Variants in GRIK2 observed in about 807,000 individuals in gnomAD.
The protein encoded by GRIK2 is glutamate ionotropic receptor kainate type subunit 2, also known as glutamate receptor ionotropic, kainate 2.
In GRIK2, 32 loss-of-function variants were observed where a neutral mutation model predicts 100.3. That is an observed-to-expected ratio of 0.32 (90% CI 0.24 to 0.43). The LOEUF is 0.43. Among genes scored for constraint, GRIK2 ranks in the 20% least tolerant of loss-of-function variants. GRIK2 has a pLI of 1.00. For synonymous variants in GRIK2, 417 were observed against 389.4 expected, an observed-to-expected ratio of 1.07 and a Z score of -0.83; for missense variants, 843 against 1,114.9, an observed-to-expected ratio of 0.76 and a Z score of 3.47.
chr6:101,952,578 A>G (rs1452500124), intron 14 of GRIK2, among the ~76,000 whole-genome samples: 3 of 151,990 alleles, frequency 2.0e-5, no homozygotes, highest in Non-Finnish European at 4.4e-5. Flanking sequence ...AATTTTTAGT[A>G]TATTCAGAAC....
In GRIK2 at chr6:101,699,079, A is replaced by C. The variant is rs184652335; in HGVS notation, c.951+12726A>C. ...GGTTTCATTGTAAGATGCTCAGCAC[A>C]TATGTACTCTATTCAAGCTAGAGAA... On this transcript the variant is annotated intron_variant, in intron 7 of 16. Coordinates refer to ENST00000369134, the MANE Select transcript of GRIK2 (RefSeq NM_021956.5). 1.1e-4 allele frequency among the ~76,000 whole-genome samples: 17 copies of C among 152,242 alleles called. No homozygotes were observed. In the East Asian group the frequency reaches 1.7e-3, roughly 16 times the overall value.
At chr6:101,490,145 A>G (rs1197958032) in intron 2 of GRIK2, among the ~76,000 whole-genome samples, 2 of 141,966 alleles carry the variant, frequency 1.4e-5, no homozygotes, top group Non-Finnish European at 1.5e-5. Context: ...ACATAGACAT[A>G]CAGAGATATG....
intron 10 of GRIK2, among the ~76,000 whole-genome samples, chr6:101,846,121 T>A (rs1273541247): frequency 1.3e-5 from 2 of 152,110 alleles, no homozygotes; most frequent in African/African-American, 4.8e-5. Context: ...TCTTTTCATT[T>A]GTTTGACAAT....
chr6:101,764,820 C>T (rs1414075980), intron 7 of GRIK2, among the ~76,000 whole-genome samples: 1 of 152,128 alleles, frequency 6.6e-6, no homozygotes, highest in Admixed American at 6.6e-5. Flanking sequence ...CTGATCATTT[C>T]TGTCCTCTGA....
chr6:101,530,712 A>G (rs1443540125), intron 2 of GRIK2, among the ~76,000 whole-genome samples: 5 of 152,024 alleles, frequency 3.3e-5, no homozygotes, highest in Non-Finnish European at 7.4e-5. Context: ...CCTTTAGAAG[A>G]AATTTTTGGT....
chr6:101,849,812 G>GTTT lies in GRIK2; in HGVS notation c.1318-9475_1318-9474insTTT, dbSNP rs1562437239. Among the ~76,000 whole-genome samples the GTTT allele has an allele frequency of 8.9e-5, 10 of 112,202 alleles. 1 individual carries two copies. In the East Asian group the frequency reaches 4.1e-3, roughly 46 times the overall value. The allele number at this position is 112,202 out of a possible 152,430, so 73.6% of individuals were successfully genotyped here. On this transcript the variant is annotated intron_variant, in intron 10 of 16. Coordinates refer to ENST00000369134, the MANE Select transcript of GRIK2 (RefSeq NM_021956.5). ...TAGGGATGCTATTTAAAAAAAGGAG[G>GTTT]GTTTTTTTTTTTTTTTTTTTTTTTT...
At chr6:101,870,580 T>C (rs1212506539) in intron 11 of GRIK2, among the ~76,000 whole-genome samples, 1 of 151,890 alleles carries the variant, frequency 6.6e-6, no homozygotes, top group Non-Finnish European at 1.5e-5. Flanking sequence ...TCAATAAATA[T>C]CTACCAAATA....
intron 9 of GRIK2, among the ~76,000 whole-genome samples, chr6:101,815,918 A>AT (rs1170604973): frequency 6.6e-6 from 1 of 152,208 alleles, no homozygotes; most frequent in Non-Finnish European, 1.5e-5. Context: ...ATACTTGTGA[A>AT]TATAGGAAAT....
At chr6:101,553,077 T>C (rs1776585389) in intron 2 of GRIK2, among the ~76,000 whole-genome samples, 1 of 152,134 alleles carries the variant, frequency 6.6e-6, no homozygotes, top group Non-Finnish European at 1.5e-5. Flanking sequence ...TGTCAAACAT[T>C]GGAAGGAAAC....
In GRIK2 at chr6:101,680,234, TCCTCAACAACTTCC is replaced by T. The variant is rs549159693; in HGVS notation, c.724-2315_724-2302del. ...ACAAATCATCTTCTTCTCCACCATC[TCCTCAACAACTTCC>T]CCTACACCAAAGCAGAATTTGATGC... On this transcript the variant is annotated intron_variant, in intron 5 of 16. Coordinates refer to ENST00000369134, the MANE Select transcript of GRIK2 (RefSeq NM_021956.5). Among the ~76,000 whole-genome samples the T allele has an allele frequency of 1.2e-4, 18 of 152,280 alleles. No individual in the cohort carries two copies. The East Asian group carries it at 2.9e-3, about 25-fold the overall frequency.
intron 11 of GRIK2, among the ~76,000 whole-genome samples, chr6:101,875,836 G>A (rs538422941): frequency 1.3e-5 from 2 of 151,856 alleles, no homozygotes; most frequent in Non-Finnish European, 2.9e-5. Context: ...CAACCATTCT[G>A]CTGACATCTG....
chr6:101,562,312 T>G (rs1267698165), intron 2 of GRIK2, among the ~76,000 whole-genome samples: 1 of 152,140 alleles, frequency 6.6e-6, no homozygotes, highest in Non-Finnish European at 1.5e-5. Flanking sequence ...TCTGTCATAA[T>G]GGACACGGCA....
At chr6:101,524,821 T>A (rs1368643237) in intron 2 of GRIK2, among the ~76,000 whole-genome samples, 1 of 151,098 alleles carries the variant, frequency 6.6e-6, no homozygotes, top group Non-Finnish European at 1.5e-5. Flanking sequence ...AACTTCCGCC[T>A]CCTGGGTTCA....
At chr6:101,615,960 A>G (rs546825455) in intron 2 of GRIK2, among the ~76,000 whole-genome samples, 2 of 151,852 alleles carry the variant, frequency 1.3e-5, no homozygotes, top group South Asian at 4.1e-4. Context: ...TATGCCCCTG[A>G]TTTCCTGCCC....
At chr6:101,443,565 A>G (rs1442421226) in intron 2 of GRIK2, among the ~76,000 whole-genome samples, 2 of 152,136 alleles carry the variant, frequency 1.3e-5, no homozygotes, top group Non-Finnish European at 2.9e-5. Context: ...CAATAAAGCT[A>G]AAGTGGGGCA....
At chr6:101,591,549 A>AT (rs1222923231) in intron 2 of GRIK2, among the ~76,000 whole-genome samples, 2 of 151,792 alleles carry the variant, frequency 1.3e-5, no homozygotes, top group African/African-American at 2.4e-5. Context: ...TCTCAAGACT[A>AT]TTTTTTTCTT....
intron 12 of GRIK2, among the ~76,000 whole-genome samples, chr6:101,902,807 T>C (rs922687136): frequency 4.0e-5 from 6 of 151,844 alleles, no homozygotes; most frequent in Admixed American, 3.3e-4. Context: ...TAAACATCAA[T>C]TATTTTTACC....
At chr6:101,912,786 A>C (rs1788834673) in intron 12 of GRIK2, among the ~76,000 whole-genome samples, 1 of 151,302 alleles carries the variant, frequency 6.6e-6, no homozygotes, top group African/African-American at 2.4e-5. Context: ...ATTTCTCTTT[A>C]TTTTTTAAAG....
At chr6:101,446,649 A>G (rs1193351962) in intron 2 of GRIK2, among the ~76,000 whole-genome samples, 1 of 151,844 alleles carries the variant, frequency 6.6e-6, no homozygotes, top group Non-Finnish European at 1.5e-5. Flanking sequence ...TTGATAGATC[A>G]CTTTACCATC....
Sources: gnomAD v4.1 joint callset for allele counts (sites outside exome capture counted in the v4.1 genomes callset) on GRCh38, gnomAD v4.1.1 for gene constraint, MANE v1.5 for transcripts, NCBI Gene and HGNC (gene_info 2026-07-23, HGNC 2026-07-21) for gene names.